The following MYO1A variants were observed in gnomAD, a reference collection of about 807,000 sequenced individuals.
MYO1A encodes unconventional myosin-Ia.
MYO1A carries 127 observed loss-of-function variants against 138.5 expected under a neutral mutation model. The ratio of observed to expected loss-of-function variants is 0.92; its 90% CI spans 0.79 to 1.06. MYO1A has a LOEUF of 1.06. Ranked by LOEUF, MYO1A falls within the 50% of genes least tolerant of loss-of-function variation. The probability of loss-of-function intolerance (pLI) is 0.00; values close to 1 mark genes in which losing one functional copy is unlikely to be tolerated. For missense variants in MYO1A, 1,211 were observed against 1,288.8 expected, an observed-to-expected ratio of 0.94 and a Z score of 0.92; for synonymous variants, 477 against 497.5, an observed-to-expected ratio of 0.96 and a Z score of 0.55.
chr12:57,033,821 C>T (rs1246129208), intron 22 of MYO1A, among the ~76,000 whole-genome samples: 2 of 152,188 alleles, frequency 1.3e-5, no homozygotes, highest in Non-Finnish European at 2.9e-5. Context: ...TAGAAAGAGG[C>T]AGAATACATA....
intron 27 of MYO1A, 61 bp downstream of exon 27, chr12:57,029,071 G>A (rs1242510134): frequency 1.1e-5 from 17 of 1,613,172 alleles, no homozygotes; most frequent in East Asian, 2.2e-5. Flanking sequence ...TCCTGGTCAC[G>A]ATGACCATCA....
At chr12:57,036,421 G>A (rs770902919) in intron 21 of MYO1A, 40 bp from the exon 22 acceptor site, 2 of 1,586,868 alleles carry the variant, frequency 1.3e-6, no homozygotes, top group Non-Finnish European at 1.7e-6. Flanking sequence ...AGTGAAGATA[G>A]GCAGATTCTA....
At chr12:57,039,382 C>T in intron 14 of MYO1A, 108 bp from the exon 15 acceptor site, 1 of 847,796 alleles carries the variant, frequency 1.2e-6, no homozygotes, top group South Asian at 1.3e-5. Flanking sequence ...CAGAAAGCCC[C>T]ATAGTTCACA....
chr12:57,046,934 G>A lies in MYO1A; in HGVS notation c.478-8C>T, dbSNP rs2031125579. The A allele has an allele frequency of 1.2e-6, 2 of 1,613,810 alleles. No homozygotes were observed. Among genetic ancestry groups the A allele is most frequent in the Non-Finnish European group, 1.7e-6 (2 of 1,179,848 alleles). On this transcript the variant is annotated splice_region_variant and splice_polypyrimidine_tract_variant and intron_variant, in intron 6 of 27. Transcript: ENST00000300119. The stretch of plus-strand genomic sequence containing the variant: ...AATATCCATGTATTTTCCCTTCAGA[G>A]AGAGACCAGAGAGAGAGACTTAGCT...
At chr12:57,038,668 C>A (rs2030700360) in intron 16 of MYO1A, 30 bp from the exon 17 acceptor site, 1 of 1,611,238 alleles carries the variant, frequency 6.2e-7, no homozygotes, top group Non-Finnish European at 8.5e-7. Context: ...GGTTTGGAGA[C>A]CCCACAACCT....
intron 8 of MYO1A, among the ~76,000 whole-genome samples, chr12:57,045,029 C>T (rs529436473): frequency 3.3e-5 from 5 of 152,312 alleles, no homozygotes; most frequent in Non-Finnish European, 7.4e-5. Context: ...TTCTCTGATG[C>T]TGAGGGCCTG....
chr12:57,041,373 T>C, intron 13 of MYO1A, 59 bp downstream of exon 13: 14 of 1,594,438 alleles, frequency 8.8e-6, no homozygotes, highest in Non-Finnish European at 1.1e-5. Context: ...ACATCCCCCC[T>C]GTGAGCCTGT....
chr12:57,036,377 C>T lies in MYO1A; in HGVS notation c.2279G>A (p.Arg760Gln), dbSNP rs762205427. The change falls in exon 22 of 28, where the codon CGA (arginine) becomes CAA (glutamine). Residue 760 changes from arginine (R) to glutamine (Q), a missense_variant. Arg to Gln is a conservative substitution (Grantham distance 43). Transcript: ENST00000300119. ...IQAFVRGWKA[R>Q]KNYRKYFRSE... ...CCGGAAATATTTGCGATAATTCTTT[C>T]GGGCCTGGCAGAAAAGTACAAGAAA... is the stretch of plus-strand genomic sequence containing the variant. 28 of 1,613,722 alleles carry T rather than the reference C, an allele frequency of 1.7e-5. No individual in the cohort carries two copies. Among genetic ancestry groups the T allele is most frequent in the South Asian group, 3.3e-5 (3 of 91,056 alleles).
intron 24 of MYO1A, 77 bp from the exon 25 acceptor site, chr12:57,029,949 C>A: frequency 6.2e-7 from 1 of 1,605,820 alleles, no homozygotes; most frequent in South Asian, 1.1e-5. Flanking sequence ...CCATCCTAGT[C>A]CTCCCGGGCC....
Position 57,029,536 on chromosome 12 carries a change from T to C in MYO1A, c.2776A>G (p.Thr926Ala), listed in dbSNP as rs2030159098. The change falls in exon 26 of 28, where the codon ACC (threonine) becomes GCC (alanine). Residue 926 changes from threonine to alanine, a missense_variant. Coordinates refer to ENST00000300119, the MANE Select transcript of MYO1A (RefSeq NM_005379.4). ...ACAATTTTGGCCTGGGACTTCTTGG[T>C]GTCTGTGAGAATCACATGGCCCTTG... ...LTKGHVILTD[T>A]KKSQAKIVIG... is the part of the protein sequence containing the mutation. 1 of 1,614,048 alleles carries C rather than the reference T, an allele frequency of 6.2e-7. No homozygotes were observed. The highest frequency in any genetic ancestry group is 1.3e-5 in the African/African-American group (1 of 74,914).
At chr12:57,036,107 G>A (rs564325971) in intron 22 of MYO1A, among the ~76,000 whole-genome samples, 200 bp downstream of exon 22, 1 of 152,344 alleles carries the variant, frequency 6.6e-6, no homozygotes, top group East Asian at 1.9e-4. Flanking sequence ...ATGCCAAAAT[G>A]CTATCTGATT....
intron 14 of MYO1A, among the ~76,000 whole-genome samples, chr12:57,040,483 T>C (rs1406457993): frequency 6.6e-6 from 1 of 152,212 alleles, no homozygotes; most frequent in African/African-American, 2.4e-5. Flanking sequence ...CTTTCTAAGC[T>C]TTTTGAATTT....
At position 57,047,802 on chromosome 12, in the gene MYO1A, T is replaced by C. The variant is rs2136460162; in HGVS notation, c.231-81A>G. ...TTCACTCAATCTCCAGCACGCAGGT[T>C]CATCCACTCTCTCTACTTGGAGCAG... is the stretch of plus-strand genomic sequence containing the variant. On this transcript the variant is annotated intron_variant, in intron 3 of 27. Coordinates refer to ENST00000300119, the MANE Select transcript of MYO1A (RefSeq NM_005379.4). 7 of 1,582,688 alleles carry C rather than the reference T, an allele frequency of 4.4e-6. No individual in the cohort carries two copies. The East Asian group carries it at 1.2e-4, about 26-fold the overall frequency.
chr12:57,031,016 G>C (rs377634550), intron 23 of MYO1A, 24 bp downstream of exon 23: 25 of 1,612,198 alleles, frequency 1.6e-5, no homozygotes, highest in Non-Finnish European at 2.0e-5. Context: ...GAAATGAGAG[G>C]AGGGGTGCCT....
Position 57,030,437 on chromosome 12 carries a change from G to C in MYO1A, c.2485-121C>G, listed in dbSNP as rs555602370. On this transcript the variant is annotated intron_variant, in intron 23 of 27. Coordinates refer to ENST00000300119, the MANE Select transcript of MYO1A (RefSeq NM_005379.4). ...GAGAGAGACTGAGGAAAAAGGACAG[G>C]CACTAGACACCTCAGGGAGAGGCCG... The C allele has an allele frequency of 6.6e-5, 53 of 800,530 alleles. No homozygotes were observed. The East Asian group carries it at 1.4e-3, about 20-fold the overall frequency. 49.6% of individuals were successfully genotyped at this position (800,530 alleles called of 1,614,324 possible).
At position 57,047,066 on chromosome 12, in the gene MYO1A, G is replaced by T; in HGVS notation, c.472C>A (p.Arg158=). 2 of 1,614,158 alleles carry T rather than the reference G, an allele frequency of 1.2e-6. No homozygotes were observed. The highest frequency in any genetic ancestry group is 1.1e-5 in the South Asian group (1 of 91,072). The change falls in exon 6 of 28, where the codon CGA becomes AGA. Residue 158 remains arginine (R), a synonymous_variant. Coordinates refer to ENST00000300119, the MANE Select transcript of MYO1A (RefSeq NM_005379.4). Reference sequence around the variant, plus strand: ...GTGGGGAGACATTTACTCACAAATCGGGAGGAATTGTTGTTGCGAATGGTC... The same window carrying T: ...GTGGGGAGACATTTACTCACAAATCTGGAGGAATTGTTGTTGCGAATGGTC... ...AKTIRNNNSS[R]FGKYMDIEFD...
rs574979431 is a variant in MYO1A, at chr12:57,029,070, C to T, written c.3005+62G>A. On this transcript the variant is annotated intron_variant, in intron 27 of 27. Transcript: ENST00000300119. ...ATGCTTCGCTTTCTGATCCTGGTCA[C>T]GATGACCATCAGCCTGGCCATCTAC... 207 of 1,613,140 alleles carry T rather than the reference C, an allele frequency of 1.3e-4. No homozygotes were observed. In the African/African-American group the frequency reaches 2.0e-3, roughly 15 times the overall value.
intron 16 of MYO1A, 53 bp from the exon 17 acceptor site, chr12:57,038,691 T>A: frequency 6.2e-7 from 1 of 1,609,404 alleles, no homozygotes; most frequent in East Asian, 2.2e-5. Context: ...TCCCAGCACT[T>A]GGCCCTCCCA....
Position 57,047,933 on chromosome 12 carries a change from G to T in MYO1A, c.230+56C>A. On this transcript the variant is annotated intron_variant, in intron 3 of 27. Coordinates refer to ENST00000300119, the MANE Select transcript of MYO1A (RefSeq NM_005379.4). ...GGGAAGGGACAAAGGAAATTAGGAT[G>T]ACTCAGTGTCAAGAAGCTGGGGCCC... 1.9e-6 allele frequency: 3 copies of T among 1,582,926 alleles called. No homozygotes were observed. The South Asian group carries it at 3.4e-5, about 18-fold the overall frequency.
Sources: gnomAD v4.1 joint callset for allele counts (sites outside exome capture counted in the v4.1 genomes callset) on GRCh38, gnomAD v4.1.1 for gene constraint, MANE v1.5 for transcripts, NCBI Gene and HGNC (gene_info 2026-07-23, HGNC 2026-07-21) for gene names.